GPCPD1: variants seen among roughly 807,000 people sequenced by gnomAD.
GPCPD1 encodes glycerophosphocholine phosphodiesterase GPCPD1.
GPCPD1 carries 29 observed loss-of-function variants against 89.2 expected under a neutral mutation model. That is an observed-to-expected ratio of 0.33 (90% CI 0.24 to 0.44). GPCPD1 has a LOEUF of 0.44. GPCPD1 is among the 20% of genes least tolerant of loss of function. GPCPD1 has a pLI of 1.00. For synonymous variants in GPCPD1, 258 were observed against 266.3 expected, an observed-to-expected ratio of 0.97 and a Z score of 0.30; for missense variants, 594 against 808.9, an observed-to-expected ratio of 0.73 and a Z score of 3.22.
chr20:5,590,132 A>G (rs1432612178), intron 4 of GPCPD1, among the ~76,000 whole-genome samples: 1 of 152,260 alleles, frequency 6.6e-6, no homozygotes, highest in Admixed American at 6.5e-5. Flanking sequence ...ATCACCAAGC[A>G]AAATTATTAG....
chr20:5,554,397 T>C (rs1355733981), intron 19 of GPCPD1, among the ~76,000 whole-genome samples: 2 of 152,188 alleles, frequency 1.3e-5, no homozygotes, highest in African/African-American at 4.8e-5. Flanking sequence ...AATAACAGGC[T>C]GCTTCTCTTG....
rs1294021321 is a variant in GPCPD1, at chr20:5,545,493, C to A, written c.*2168G>T. 1 of 152,116 alleles carries A rather than the reference C, an allele frequency of 6.6e-6. No individual in the cohort carries two copies. Among genetic ancestry groups the A allele is most frequent in the African/African-American group, 2.4e-5 (1 of 41,348 alleles). 9.4% of individuals were successfully genotyped at this position (152,116 alleles called of 1,614,324 possible). ...GGGCTCAGGAGAGAGGTCTTGGGCA[C>A]AAGAAGAAATGAGTTTGGCAGAGAG... is the stretch of plus-strand genomic sequence containing the variant. On this transcript the variant is annotated 3_prime_UTR_variant, in exon 20 of 20. Coordinates refer to ENST00000379019, the MANE Select transcript of GPCPD1 (RefSeq NM_019593.5).
chr20:5,601,931 C>A (rs1980188082), intron 2 of GPCPD1, among the ~76,000 whole-genome samples: 1 of 152,166 alleles, frequency 6.6e-6, no homozygotes, highest in African/African-American at 2.4e-5. Flanking sequence ...AACAAACAGA[C>A]CTTTCTTTAA....
chr20:5,595,915 C>T lies in GPCPD1; in HGVS notation c.147-2504G>A, dbSNP rs547982407. Among the ~76,000 whole-genome samples, 5 of 152,146 alleles carry T rather than the reference C, an allele frequency of 3.3e-5. No individual in the cohort carries two copies. The South Asian group carries it at 6.2e-4, about 19-fold the overall frequency. On this transcript the variant is annotated intron_variant, in intron 3 of 19. Transcript: ENST00000379019. ...AGAATTACTAATAAGCTGTGAAAAA[C>T]GTGCTGCCGCCTCTCCCTCAGCCAT...
At chr20:5,573,869 A>G in intron 11 of GPCPD1, 46 bp downstream of exon 11, 3 of 975,324 alleles carry the variant, frequency 3.1e-6, no homozygotes, top group Non-Finnish European at 5.0e-6. Flanking sequence ...TCCCTGATCC[A>G]TATTTCTCTA....
At chr20:5,606,313 AAT>A (rs931693986) in intron 1 of GPCPD1, among the ~76,000 whole-genome samples, 3 of 151,630 alleles carry the variant, frequency 2.0e-5, no homozygotes, top group African/African-American at 7.3e-5. Context: ...CCCCCCCACC[AAT>A]GTTACAAGAA....
intron 19 of GPCPD1, among the ~76,000 whole-genome samples, chr20:5,551,903 C>T (rs991488043): frequency 6.6e-6 from 1 of 152,158 alleles, no homozygotes; most frequent in Non-Finnish European, 1.5e-5. Context: ...CACCTCTCTC[C>T]AATCCAAAAT....
At chr20:5,560,918 G>T (rs370439280) in intron 16 of GPCPD1, among the ~76,000 whole-genome samples, 1 of 152,112 alleles carries the variant, frequency 6.6e-6, no homozygotes, top group Non-Finnish European at 1.5e-5. Flanking sequence ...TGAAATATAA[G>T]TCCCAGGAAG....
intron 3 of GPCPD1, among the ~76,000 whole-genome samples, chr20:5,595,122 T>C (rs529680784): frequency 6.2e-4 from 94 of 152,298 alleles, no homozygotes; most frequent in African/African-American, 2.0e-3. Context: ...AGCAAAAAGA[T>C]TGCAATTCAC....
chr20:5,580,279 C>A, intron 6 of GPCPD1, 148 bp from the exon 7 acceptor site: 1 of 492,198 alleles, frequency 2.0e-6, no homozygotes. Flanking sequence ...GAGATCTAAT[C>A]CATGATTTGT....
rs1058433 is a variant in GPCPD1, at chr20:5,546,645, A to G, written c.*1016T>C. ...TATACAATAAAGAATACTAATATGA[A>G]AATTCAGGACATTTATTTTTCTGCA... On this transcript the variant is annotated 3_prime_UTR_variant, in exon 20 of 20. Coordinates refer to ENST00000379019, the MANE Select transcript of GPCPD1 (RefSeq NM_019593.5). 82,476 of 152,266 alleles carry G rather than the reference A, an allele frequency of 0.54. 22,572 individuals carry two copies. The highest frequency in any genetic ancestry group is 0.63 in the East Asian group (3,253 of 5,184). The allele number at this position is 152,266 out of a possible 1,614,324, so 9.4% of individuals were successfully genotyped here.
intron 19 of GPCPD1, among the ~76,000 whole-genome samples, chr20:5,554,430 A>G (rs1340687519): frequency 6.6e-6 from 1 of 152,204 alleles, no homozygotes; most frequent in Non-Finnish European, 1.5e-5. Context: ...ACAACTGATG[A>G]TGAGTTTAAG....
chr20:5,594,639 C>CA (rs766375187), intron 3 of GPCPD1, among the ~76,000 whole-genome samples: 1 of 152,168 alleles, frequency 6.6e-6, no homozygotes, highest in Non-Finnish European at 1.5e-5. Context: ...TGTCATAGAC[C>CA]ATTAACCAAA....
At position 5,604,430 on chromosome 20, in the gene GPCPD1, A is replaced by T; in HGVS notation, c.-18T>A. The T allele has an allele frequency of 6.5e-7, 1 of 1,530,110 alleles. No homozygotes were observed. The highest frequency in any genetic ancestry group is 9.0e-7 in the Non-Finnish European group (1 of 1,109,778). The allele number at this position is 1,530,110 out of a possible 1,614,324, so 94.8% of individuals were successfully genotyped here. ...GGTGTCATTCTGATGGATTTATTTT[A>T]TGATGTCGTGCTAGGAAAAAAAAGA... On this transcript the variant is annotated 5_prime_UTR_variant, in exon 2 of 20. Transcript: ENST00000379019.
At chr20:5,548,021 T>G (rs1985129783) in intron 19 of GPCPD1, among the ~76,000 whole-genome samples, 171 bp from the exon 20 acceptor site, 1 of 152,230 alleles carries the variant, frequency 6.6e-6, no homozygotes, top group Admixed American at 6.5e-5. Flanking sequence ...TTTTTAAAAT[T>G]TCTCTTCTTC....
At chr20:5,556,378 G>T (rs1985769563) in intron 19 of GPCPD1, among the ~76,000 whole-genome samples, 2 of 152,120 alleles carry the variant, frequency 1.3e-5, no homozygotes, top group Admixed American at 1.3e-4. Context: ...GCTAATTTTT[G>T]TATTTTTAGT....
chr20:5,593,435 C>A, intron 3 of GPCPD1, 24 bp from the exon 4 acceptor site: 1 of 1,271,610 alleles, frequency 7.9e-7, no homozygotes, highest in Non-Finnish European at 1.1e-6. Flanking sequence ...AAATTAAAAG[C>A]AGCAGCATCA....
intron 10 of GPCPD1, among the ~76,000 whole-genome samples, chr20:5,575,119 C>T (rs1453454783): frequency 2.0e-5 from 3 of 152,146 alleles, no homozygotes; most frequent in African/African-American, 7.2e-5. Flanking sequence ...GAGGGCAACA[C>T]GTCAAAAGTA....
At chr20:5,581,932 C>T (rs1169839876) in intron 6 of GPCPD1, among the ~76,000 whole-genome samples, 1 of 143,930 alleles carries the variant, frequency 6.9e-6, no homozygotes, top group African/African-American at 2.5e-5. Flanking sequence ...CGCCTGTAAT[C>T]CCAGCACTTT....
Sources: allele counts gnomAD v4.1 joint callset (sites outside exome capture counted in the v4.1 genomes callset), GRCh38; gene constraint gnomAD v4.1.1; transcripts MANE v1.5; gene names NCBI Gene and HGNC (gene_info 2026-07-23, HGNC 2026-07-21).